The following METTL15 variants were observed in gnomAD, a reference collection of about 807,000 sequenced individuals.
METTL15 encodes the protein 12S rRNA N(4)-cytidine methyltransferase METTL15.
In METTL15, 34 loss-of-function variants were observed where a neutral mutation model predicts 38.3. The observed-to-expected ratio is 0.89, with a 90% CI of 0.68 to 1.18. The LOEUF (loss-of-function observed/expected upper bound fraction) is 1.18. METTL15 is among the 50% of genes most tolerant of loss of function. The pLI is 0.00. For synonymous variants in METTL15, 162 were observed against 170.9 expected (o/e 0.95, Z 0.41); for missense variants, 438 against 498.4 (o/e 0.88, Z 1.15).
At chr11:28,501,829 G>A (rs10835349) in intron 6 of METTL15, among the ~76,000 whole-genome samples, 66,230 of 151,716 alleles carry the variant, frequency 0.44, 15,169 homozygotes, top group Admixed American at 0.54. Context: ...GCCAGGCGCG[G>A]TGGCTCACAC....
At chr11:28,234,111 A>C (rs886379003) in intron 4 of METTL15, among the ~76,000 whole-genome samples, 1 of 152,110 alleles carries the variant, frequency 6.6e-6, no homozygotes, top group African/African-American at 2.4e-5. Flanking sequence ...AATTTCATGC[A>C]TGTCCCTACA....
chr11:28,156,434 C>G (rs1266782837), intron 3 of METTL15, among the ~76,000 whole-genome samples: 2 of 152,076 alleles, frequency 1.3e-5, no homozygotes, highest in Non-Finnish European at 2.9e-5. Context: ...GTTCAAAATG[C>G]CATAATTGTT....
chr11:28,465,084 C>G lies in METTL15; in HGVS notation c.*424+40720C>G, dbSNP rs78917660. On this transcript the variant is annotated intron_variant and NMD_transcript_variant, in intron 6 of 7. Transcript: ENST00000532947. ...CCCTAAGCCTCCTCTTAACACATGG[C>G]CAAGGAACTTGTGCTTGCCAATTTC... 4.8e-3 allele frequency among the ~76,000 whole-genome samples: 729 copies of G among 152,270 alleles called. 2 individuals are homozygous for G. The highest frequency in any genetic ancestry group is 0.042 in the East Asian group (218 of 5,164).
chr11:28,241,207 C>G (rs1360493020), intron 4 of METTL15, among the ~76,000 whole-genome samples: 1 of 152,052 alleles, frequency 6.6e-6, no homozygotes. Context: ...GGTAAGTTTT[C>G]TAGTATGTTA....
At chr11:28,389,089 T>C (rs1205096014) in intron 5 of METTL15, among the ~76,000 whole-genome samples, 1 of 151,996 alleles carries the variant, frequency 6.6e-6, no homozygotes, top group Non-Finnish European at 1.5e-5. Context: ...CGTTGTAGGA[T>C]ATGTGGGTTG....
intron 5 of METTL15, among the ~76,000 whole-genome samples, chr11:28,380,499 T>G (rs545988516): frequency 6.6e-6 from 1 of 152,300 alleles, no homozygotes; most frequent in East Asian, 1.9e-4. Flanking sequence ...ATTAATAATT[T>G]ATTACTGCTA....
rs1425432114 is a variant in METTL15, at chr11:28,209,612, A to AT, written c.271-1446dup. 6.0e-4 allele frequency among the ~76,000 whole-genome samples: 91 copies of AT among 152,018 alleles called. 1 individual carries two copies. Among genetic ancestry groups the AT allele is most frequent in the Non-Finnish European group, 2.9e-5 (2 of 67,896 alleles). On this transcript the variant is annotated intron_variant, in intron 3 of 6. Coordinates refer to ENST00000407364, the MANE Select transcript of METTL15 (RefSeq NM_001113528.2). ...TTTCACCACATTTACATCTTTTTAT[A>AT]TTTTATGTCCATCCTCCAATTTTGA...
chr11:28,395,719 C>A (rs12279675), intron 5 of METTL15, among the ~76,000 whole-genome samples: 2 of 152,030 alleles, frequency 1.3e-5, no homozygotes, highest in Non-Finnish European at 2.9e-5. Context: ...CAATACAAAA[C>A]GAGAGAATCC....
At chr11:28,354,854 A>T in intron 4 of METTL15, among the ~76,000 whole-genome samples, 1 of 152,212 alleles carries the variant, frequency 6.6e-6, no homozygotes, top group East Asian at 1.9e-4. Flanking sequence ...TGCCAACAAA[A>T]ATGTTTAGAG....
At chr11:28,487,902 CA>C (rs1400699405) in intron 6 of METTL15, among the ~76,000 whole-genome samples, 1 of 152,094 alleles carries the variant, frequency 6.6e-6, no homozygotes, top group Non-Finnish European at 1.5e-5. Flanking sequence ...GAGGGAACCA[CA>C]AAACAGAAAA....
At chr11:28,129,457 T>C (rs143915938) in intron 3 of METTL15, among the ~76,000 whole-genome samples, 4 of 152,070 alleles carry the variant, frequency 2.6e-5, no homozygotes, top group Non-Finnish European at 5.9e-5. Context: ...TTGCCTAGGC[T>C]GGAGTGCAGT....
chr11:28,269,228 G>GT (rs1334556595), intron 4 of METTL15, among the ~76,000 whole-genome samples: 2 of 152,004 alleles, frequency 1.3e-5, no homozygotes, highest in African/African-American at 2.4e-5. Flanking sequence ...TGGCACTGCT[G>GT]TTTTTTGCAG....
chr11:28,314,978 C>T (rs1329805740), intron 6 of METTL15, among the ~76,000 whole-genome samples: 2 of 152,192 alleles, frequency 1.3e-5, no homozygotes, highest in African/African-American at 4.8e-5. Flanking sequence ...ACTGTAAGTC[C>T]AATTAAACCT....
downstream of METTL15, among the ~76,000 whole-genome samples, chr11:28,334,227 G>C (rs1352116521): frequency 1.3e-5 from 2 of 151,884 alleles, no homozygotes; most frequent in African/African-American, 4.8e-5. Flanking sequence ...ATGTAAATTT[G>C]AGGTGACATT....
chr11:28,215,759 G>A (rs1052189137), intron 4 of METTL15, among the ~76,000 whole-genome samples: 1 of 152,114 alleles, frequency 6.6e-6, no homozygotes, highest in Non-Finnish European at 1.5e-5. Context: ...AGGATGGAAC[G>A]AAGAGGATCA....
At chr11:28,144,086 A>G (rs1004993870) in intron 3 of METTL15, among the ~76,000 whole-genome samples, 1 of 152,296 alleles carries the variant, frequency 6.6e-6, no homozygotes, top group Admixed American at 6.5e-5. Flanking sequence ...GGAGGATGAG[A>G]GACAAGTTCA....
At chr11:28,238,092 A>T (rs1372909160) in intron 4 of METTL15, among the ~76,000 whole-genome samples, 1 of 152,218 alleles carries the variant, frequency 6.6e-6, no homozygotes, top group East Asian at 1.9e-4. Context: ...GCCCGTTCTC[A>T]AATCTCTAGC....
chr11:28,400,178 A>C (rs1449513289), intron 5 of METTL15, among the ~76,000 whole-genome samples: 1 of 151,970 alleles, frequency 6.6e-6, no homozygotes, highest in South Asian at 2.1e-4. Flanking sequence ...CAATTTATTC[A>C]GCCATCATTT....
chr11:28,363,954 T>G (rs1014615125), intron 5 of METTL15, among the ~76,000 whole-genome samples: 3 of 152,204 alleles, frequency 2.0e-5, no homozygotes, highest in Non-Finnish European at 2.9e-5. Flanking sequence ...TCTCTATTGC[T>G]TGTTTTTGTT....
Sources: allele counts gnomAD v4.1 joint callset (sites outside exome capture counted in the v4.1 genomes callset), GRCh38; gene constraint gnomAD v4.1.1; transcripts MANE v1.5; gene names NCBI Gene and HGNC (gene_info 2026-07-23, HGNC 2026-07-21).